The following SYT17 variants were observed in gnomAD, a reference collection of about 807,000 sequenced individuals.
The protein encoded by SYT17 is synaptotagmin 17.
SYT17 carries 22 observed loss-of-function variants against 46.7 expected under a neutral mutation model. The ratio of observed to expected loss-of-function variants is 0.47; its 90% confidence interval spans 0.34 to 0.67. The LOEUF is 0.67. Ranked by LOEUF, SYT17 falls within the 30% of genes least tolerant of loss-of-function variation. SYT17 has a pLI of 0.01. For synonymous variants in SYT17, 251 were observed against 248.4 expected, an observed-to-expected ratio of 1.01 and a Z score of -0.10; for missense variants, 519 against 612.8, an observed-to-expected ratio of 0.85 and a Z score of 1.62.
chr16:19,219,769 G>C (rs1966238623), intron 5 of SYT17, among the ~76,000 whole-genome samples: 1 of 152,178 alleles, frequency 6.6e-6, no homozygotes, highest in Non-Finnish European at 1.5e-5. Flanking sequence ...CCCCCCACAG[G>C]AGTGTATGTT....
At chr16:19,207,939 G>A (rs559904416) in intron 5 of SYT17, among the ~76,000 whole-genome samples, 2 of 151,954 alleles carry the variant, frequency 1.3e-5, no homozygotes, top group South Asian at 2.1e-4. Flanking sequence ...AGAAAATGGA[G>A]CCTTACCTCA....
chr16:19,249,966 C>T (rs1354968730), intron 7 of SYT17: 15 of 1,535,922 alleles, frequency 9.8e-6, no homozygotes, highest in East Asian at 2.4e-5. Context: ...TACCAGCCTG[C>T]GAACTGAGTA....
chr16:19,193,363 T>G (rs1965104203), intron 5 of SYT17, among the ~76,000 whole-genome samples: 1 of 152,214 alleles, frequency 6.6e-6, no homozygotes, highest in Non-Finnish European at 1.5e-5. Context: ...AATGTTTGAT[T>G]TGGGCCTAGA....
chr16:19,256,437 AACAC>A (rs57120408), intron 7 of SYT17, among the ~76,000 whole-genome samples: 4,247 of 128,994 alleles, frequency 0.033, 217 homozygotes, highest in African/African-American at 0.11. Flanking sequence ...CCCCTCTTCA[AACAC>A]ACACACACAC....
intron 3 of SYT17, 150 bp from the exon 4 acceptor site, chr16:19,180,241 A>T: frequency 1.3e-6 from 1 of 744,932 alleles, no homozygotes; most frequent in Non-Finnish European, 2.2e-6. Context: ...TTGAGAGTTT[A>T]AGGACACCAC....
intron 1 of SYT17, among the ~76,000 whole-genome samples, chr16:19,169,137 TG>T (rs1963984755): frequency 6.6e-6 from 1 of 151,856 alleles, no homozygotes; most frequent in Non-Finnish European, 1.5e-5. Context: ...TCCTGGGCAC[TG>T]GGTGCTGAGG....
rs1289726336 is a variant in SYT17, at chr16:19,184,012, G to A, written c.816G>A (p.Arg272=). The change falls in exon 5 of 8, where the codon AGG becomes AGA. Residue 272 remains arginine (R), a synonymous_variant. Transcript: ENST00000355377. ...TCCCCTTCCTGGAGGCCCAGAGGAG[G>A]ACCCTGCTCCTGACCGTGGTGGATT... ...FEIPFLEAQR[R]TLLLTVVDFD... is the part of the protein sequence containing the mutation. 1 of 1,614,114 alleles carries A rather than the reference G, an allele frequency of 6.2e-7. No individual in the cohort carries two copies.
intron 7 of SYT17, among the ~76,000 whole-genome samples, chr16:19,256,555 T>C (rs1968584049): frequency 2.1e-5 from 1 of 48,454 alleles, no homozygotes; most frequent in African/African-American, 7.9e-5. Context: ...AATGGGTGAG[T>C]CTATTATTAT....
At chr16:19,244,900 G>A (rs774100201) in intron 7 of SYT17, among the ~76,000 whole-genome samples, 44 of 152,204 alleles carry the variant, frequency 2.9e-4, no homozygotes, top group Non-Finnish European at 5.4e-4. Context: ...AAACTCTGAA[G>A]GAGAGGCTGG....
At position 19,267,136 on chromosome 16, in the gene SYT17, T is replaced by G; in HGVS notation, c.*60T>G. On this transcript the variant is annotated 3_prime_UTR_variant, in exon 8 of 8. Transcript: ENST00000355377. ...AAAAAAAAAAAAAGACGGAAAAAAA[T>G]GTGTCACATACTATTACATCCACAC... 7.2e-7 allele frequency: 1 copy of G among 1,395,718 alleles called. No homozygotes were observed. The highest frequency in any genetic ancestry group is 9.5e-7 in the Non-Finnish European group (1 of 1,054,936). 86.5% of individuals were successfully genotyped at this position (1,395,718 alleles called of 1,614,324 possible).
At chr16:19,192,610 G>C (rs892712328) in intron 5 of SYT17, among the ~76,000 whole-genome samples, 6 of 152,182 alleles carry the variant, frequency 3.9e-5, no homozygotes, top group Non-Finnish European at 8.8e-5. Context: ...AGGAGCAAAA[G>C]ACAAGAAGTA....
intron 5 of SYT17, among the ~76,000 whole-genome samples, chr16:19,209,647 G>A (rs1374728947): frequency 6.6e-6 from 1 of 151,782 alleles, no homozygotes; most frequent in African/African-American, 2.4e-5. Context: ...GAGGTGGGCG[G>A]ATCACAAGGT....
At chr16:19,231,930 G>A (rs1177096196) in intron 7 of SYT17, among the ~76,000 whole-genome samples, 1 of 152,204 alleles carries the variant, frequency 6.6e-6, no homozygotes, top group Non-Finnish European at 1.5e-5. Context: ...AAGGAGAGAT[G>A]CAGGGCACAT....
At chr16:19,206,527 G>A (rs992622726) in intron 5 of SYT17, among the ~76,000 whole-genome samples, 3 of 152,136 alleles carry the variant, frequency 2.0e-5, no homozygotes, top group Admixed American at 1.3e-4. Context: ...CACACTGGGT[G>A]CCTTAAAACA....
intron 7 of SYT17, among the ~76,000 whole-genome samples, chr16:19,249,130 C>T (rs1173202793): frequency 1.3e-5 from 2 of 151,802 alleles, no homozygotes; most frequent in Admixed American, 1.3e-4. Flanking sequence ...AAAAATTAGC[C>T]AGGCGTGGTG....
intron 7 of SYT17, chr16:19,249,809 C>A: frequency 2.3e-6 from 2 of 862,672 alleles, no homozygotes; most frequent in Admixed American, 3.4e-5. Context: ...TGTTTCTGGC[C>A]ATGCATGGTC....
At chr16:19,203,856 G>A (rs1192343535) in intron 5 of SYT17, among the ~76,000 whole-genome samples, 1 of 152,234 alleles carries the variant, frequency 6.6e-6, no homozygotes, top group Non-Finnish European at 1.5e-5. Context: ...ATGGGATGGG[G>A]GTTGGTGGAT....
chr16:19,203,795 C>G (rs767452356), intron 5 of SYT17, among the ~76,000 whole-genome samples: 38 of 152,228 alleles, frequency 2.5e-4, no homozygotes, highest in Non-Finnish European at 7.3e-5. Context: ...ATCTCAGGCT[C>G]ACAGGAAAGC....
At chr16:19,223,284 G>A (rs1966389137) in intron 6 of SYT17, 119 bp downstream of exon 6, 2 of 1,271,082 alleles carry the variant, frequency 1.6e-6, no homozygotes, top group East Asian at 2.5e-5. Flanking sequence ...GATGAGGCAG[G>A]TAAATGATGC....
Sources: gnomAD v4.1 joint callset for allele counts (sites outside exome capture counted in the v4.1 genomes callset) on GRCh38, gnomAD v4.1.1 for gene constraint, MANE v1.5 for transcripts, NCBI Gene and HGNC (gene_info 2026-07-23, HGNC 2026-07-21) for gene names.